The following FBXO4 variants were observed in gnomAD, a reference collection of about 807,000 sequenced individuals.
The protein encoded by FBXO4 is F-box protein 4.
In FBXO4, 36 loss-of-function variants were observed where a neutral mutation model predicts 43.7. The ratio of observed to expected loss-of-function variants is 0.82; its 90% CI spans 0.63 to 1.09. FBXO4 has a LOEUF of 1.09. Among genes scored for constraint, FBXO4 ranks in the 50% least tolerant of loss-of-function variants. The pLI, the probability that FBXO4 is intolerant of heterozygous loss-of-function variation, is 0.00. For missense variants in FBXO4, 435 were observed against 474.1 expected (o/e 0.92, Z 0.77); for synonymous variants, 180 against 165.6 (o/e 1.09, Z -0.67).
At chr5:42,015,796 C>T in the FBXO4 span, among the ~76,000 whole-genome samples, 2 of 151,704 alleles carry the variant, frequency 1.3e-5, no homozygotes, top group African/African-American at 2.4e-5. Context: ...AGAGTCTGAT[C>T]TCAAGTGATA....
chr5:41,978,980 G>GT, the FBXO4 span, among the ~76,000 whole-genome samples: 1,740 of 150,406 alleles, frequency 0.012, 34 homozygotes, highest in African/African-American at 0.04. Context: ...AGCAATTTTT[G>GT]TTTTTTTTTG....
chr5:41,965,426 C>T, the FBXO4 span, among the ~76,000 whole-genome samples: 2 of 152,134 alleles, frequency 1.3e-5, no homozygotes, highest in South Asian at 2.1e-4. Context: ...TGAAGAAAGT[C>T]ATTGGTAGCT....
the FBXO4 span, among the ~76,000 whole-genome samples, chr5:42,031,774 A>G: frequency 1.3e-5 from 2 of 151,948 alleles, no homozygotes; most frequent in Non-Finnish European, 2.9e-5. Flanking sequence ...TTGAAGAGGT[A>G]GATATTTATT....
the FBXO4 span, among the ~76,000 whole-genome samples, chr5:42,002,486 A>C: frequency 1.3e-5 from 2 of 152,150 alleles, no homozygotes; most frequent in Non-Finnish European, 2.9e-5. Flanking sequence ...AAATTAAGAC[A>C]TTTCCTTTTA....
the FBXO4 span, among the ~76,000 whole-genome samples, chr5:41,986,353 GC>G: frequency 1.7e-3 from 259 of 152,062 alleles, no homozygotes; most frequent in African/African-American, 6.1e-3. Flanking sequence ...ACAAATCCAA[GC>G]CCCACAACAA....
chr5:41,993,959 T>A, the FBXO4 span, among the ~76,000 whole-genome samples: 1 of 152,184 alleles, frequency 6.6e-6, no homozygotes, highest in Non-Finnish European at 1.5e-5. Flanking sequence ...CAAATGTTAA[T>A]GTCCTTTGGC....
chr5:42,028,793 A>G, the FBXO4 span, among the ~76,000 whole-genome samples: 1 of 151,752 alleles, frequency 6.6e-6, no homozygotes, highest in East Asian at 1.9e-4. Flanking sequence ...TTGCATAAAC[A>G]AACAAACAAA....
the FBXO4 span, among the ~76,000 whole-genome samples, chr5:42,018,136 A>G: frequency 6.7e-6 from 1 of 149,072 alleles, no homozygotes; most frequent in Non-Finnish European, 1.5e-5. Flanking sequence ...ATTATAATTA[A>G]CAAACTATAT....
chr5:41,963,678 A>C, the FBXO4 span, among the ~76,000 whole-genome samples: 2 of 152,212 alleles, frequency 1.3e-5, no homozygotes, highest in Admixed American at 1.3e-4. Context: ...GTGGAAGTGA[A>C]TCATCATAAA....
At chr5:42,019,122 A>T in the FBXO4 span, among the ~76,000 whole-genome samples, 1 of 152,168 alleles carries the variant, frequency 6.6e-6, no homozygotes, top group African/African-American at 2.4e-5. Context: ...TAATAACCTA[A>T]GTATATTTGG....
At chr5:42,029,118 A>G in the FBXO4 span, among the ~76,000 whole-genome samples, 1 of 151,956 alleles carries the variant, frequency 6.6e-6, no homozygotes, top group African/African-American at 2.4e-5. Context: ...CTTTTCCTGT[A>G]GGACAGGTCT....
At chr5:41,978,192 T>G in the FBXO4 span, among the ~76,000 whole-genome samples, 3 of 152,088 alleles carry the variant, frequency 2.0e-5, no homozygotes, top group Non-Finnish European at 4.4e-5. Context: ...CCACACCTCT[T>G]TTGAACTATA....
the FBXO4 span, among the ~76,000 whole-genome samples, chr5:41,976,501 A>T: frequency 6.6e-6 from 1 of 152,226 alleles, no homozygotes; most frequent in Non-Finnish European, 1.5e-5. Context: ...GGCCAAAAAG[A>T]AAGGGGTAAT....
the FBXO4 span, among the ~76,000 whole-genome samples, chr5:42,003,042 C>T: frequency 1.8e-4 from 28 of 152,160 alleles, no homozygotes; most frequent in Middle Eastern, 6.8e-3. Context: ...GTTTTTGTAA[C>T]GTAACCTGCT....
chr5:41,982,708 C>T, the FBXO4 span, among the ~76,000 whole-genome samples: 1 of 152,042 alleles, frequency 6.6e-6, no homozygotes, highest in South Asian at 2.1e-4. Context: ...ATTGATTTTG[C>T]AATTATGTAT....
the FBXO4 span, among the ~76,000 whole-genome samples, chr5:42,018,405 A>G: frequency 6.6e-6 from 1 of 152,188 alleles, no homozygotes; most frequent in South Asian, 2.1e-4. Flanking sequence ...ATATTTCCAA[A>G]TTAAATTCAG....
At chr5:41,949,602 A>G in the FBXO4 span, among the ~76,000 whole-genome samples, 2 of 152,224 alleles carry the variant, frequency 1.3e-5, no homozygotes, top group African/African-American at 4.8e-5. Flanking sequence ...ATGCTCATGG[A>G]TAGGAAGAAT....
intron 5 of FBXO4, among the ~76,000 whole-genome samples, chr5:41,935,425 C>T (rs974751307): frequency 1.3e-5 from 2 of 152,172 alleles, no homozygotes; most frequent in Non-Finnish European, 2.9e-5. Flanking sequence ...ATATCCTTTT[C>T]TCAATGAAGC....
chr5:41,987,319 A>T, the FBXO4 span, among the ~76,000 whole-genome samples: 7 of 152,146 alleles, frequency 4.6e-5, no homozygotes, highest in African/African-American at 2.4e-5. Context: ...CCCTTCACAA[A>T]TTTCTTTAAC....
Sources: allele counts gnomAD v4.1 joint callset (sites outside exome capture counted in the v4.1 genomes callset), GRCh38; gene constraint gnomAD v4.1.1; transcripts MANE v1.5; gene names NCBI Gene and HGNC (gene_info 2026-07-23, HGNC 2026-07-21).